Variants in DOP1B observed in about 807,000 individuals in gnomAD.
The protein encoded by DOP1B is DOP1 leucine zipper like protein B.
DOP1B carries 174 observed loss-of-function variants against 233.5 expected under a neutral mutation model. That is an observed-to-expected ratio of 0.75 (90% CI 0.66 to 0.85). The LOEUF (loss-of-function observed/expected upper bound fraction) is 0.85, where lower values mean the gene tolerates loss of function less well. DOP1B is among the 40% of genes least tolerant of loss of function. The pLI, the probability that DOP1B is intolerant of heterozygous loss-of-function variation, is 0.00. For missense variants in DOP1B, 2,652 were observed against 2,846.6 expected (o/e 0.93, Z 1.56); for synonymous variants, 1,190 against 1,185.6 (o/e 1.00, Z -0.08).
At chr21:36,214,045 A>AGTG (rs1236494153) in intron 7 of DOP1B, 36 bp from the exon 8 acceptor site, 1 of 1,494,064 alleles carries the variant, frequency 6.7e-7, no homozygotes, top group Non-Finnish European at 9.2e-7. Context: ...TTAAAAGCAC[A>AGTG]GCTCTCTTTA....
chr21:36,162,299 A>G (rs1288804700), intron 1 of DOP1B, among the ~76,000 whole-genome samples: 1 of 152,130 alleles, frequency 6.6e-6, no homozygotes, highest in Non-Finnish European at 1.5e-5. Flanking sequence ...AACTCAAGTG[A>G]TCCTCCCAAC....
rs1249150065 is a variant in DOP1B, at chr21:36,288,025, GAC to G, written c.6174_6175del (p.Asp2058GlufsTer40). ...YLPLIQERLTDNLRVGQTSIV... is the reference protein window; with the variant it reads ...YLPLIQERLTXNLRVGQTSIV... ...TCTTCTTTCCTTAGAACGCCTGACAGACAATCTCAGAGTTGGACAGACATCCA... is the reference window on the plus strand; with the variant it reads ...TCTTCTTTCCTTAGAACGCCTGACAGAATCTCAGAGTTGGACAGACATCCA... On this transcript the variant is annotated frameshift_variant, in exon 33 of 37. Coordinates refer to ENST00000691173, the MANE Select transcript of DOP1B (RefSeq NM_001320714.2). LOFTEE classifies it high-confidence loss of function. 6.2e-7 allele frequency: 1 copy of G among 1,613,216 alleles called. No individual in the cohort carries two copies. Among genetic ancestry groups the G allele is most frequent in the Non-Finnish European group, 8.5e-7 (1 of 1,179,856 alleles).
intron 2 of DOP1B, among the ~76,000 whole-genome samples, chr21:36,191,011 A>G (rs1158027161): frequency 1.3e-5 from 2 of 152,174 alleles, no homozygotes; most frequent in African/African-American, 2.4e-5. Context: ...AAAAGTCACC[A>G]AGACCGACCA....
chr21:36,157,220 G>C (rs1011143855), intron 1 of DOP1B, among the ~76,000 whole-genome samples: 3 of 152,118 alleles, frequency 2.0e-5, no homozygotes, highest in Non-Finnish European at 4.4e-5. Flanking sequence ...CCCGACCCTG[G>C]CGCGGAGGAT....
At chr21:36,179,002 C>T (rs1439139360) in intron 2 of DOP1B, among the ~76,000 whole-genome samples, 6 of 152,186 alleles carry the variant, frequency 3.9e-5, no homozygotes, top group Admixed American at 3.9e-4. Flanking sequence ...GATCTGTTTT[C>T]TGTCACCATA....
At chr21:36,181,555 A>T (rs1262866799) in intron 2 of DOP1B, among the ~76,000 whole-genome samples, 4 of 152,214 alleles carry the variant, frequency 2.6e-5, no homozygotes, top group Admixed American at 2.6e-4. Context: ...CTGGGATTAC[A>T]GGCATGAGCC....
intron 2 of DOP1B, among the ~76,000 whole-genome samples, chr21:36,177,276 A>T (rs1487777707): frequency 6.6e-6 from 1 of 152,228 alleles, no homozygotes; most frequent in African/African-American, 2.4e-5. Context: ...CAGGCTTCAC[A>T]GCAGCCTCAG....
intron 23 of DOP1B, among the ~76,000 whole-genome samples, chr21:36,258,395 G>C (rs1439607272): frequency 6.6e-6 from 1 of 151,832 alleles, no homozygotes; most frequent in Non-Finnish European, 1.5e-5. Flanking sequence ...GCAAGACCCT[G>C]TCTGAAAACA....
intron 2 of DOP1B, among the ~76,000 whole-genome samples, chr21:36,193,822 G>T (rs1429655931): frequency 6.6e-6 from 1 of 152,166 alleles, no homozygotes; most frequent in Non-Finnish European, 1.5e-5. Flanking sequence ...CTGGGCTACA[G>T]CTCTGAGCTT....
Position 36,179,576 on chromosome 21 carries a change from G to C in DOP1B, c.138+14705G>C, listed in dbSNP as rs112284150. ...AAAAAATTGGGAGTGACCACCCCTG[G>C]TAGGGGAGTAGTTGTGAAGTGAGTC... On this transcript the variant is annotated intron_variant, in intron 2 of 36. Coordinates refer to ENST00000691173, the MANE Select transcript of DOP1B (RefSeq NM_001320714.2). Among the ~76,000 whole-genome samples, 1,037 of 152,280 alleles carry C rather than the reference G, an allele frequency of 6.8e-3. 12 individuals carry two copies. Among genetic ancestry groups the C allele is most frequent in the African/African-American group, 0.023 (944 of 41,540 alleles).
At chr21:36,205,278 G>A (rs1378639114) in intron 4 of DOP1B, among the ~76,000 whole-genome samples, 1 of 152,186 alleles carries the variant, frequency 6.6e-6, no homozygotes, top group African/African-American at 2.4e-5. Context: ...TGAAGGAGCT[G>A]CGTTTGCAGG....
chr21:36,243,073 A>G (rs1163825840), intron 18 of DOP1B, among the ~76,000 whole-genome samples: 1 of 149,660 alleles, frequency 6.7e-6, no homozygotes, highest in Non-Finnish European at 1.5e-5. Flanking sequence ...TCTGCCTTCC[A>G]GGTTCAAGCC....
Position 36,251,176 on chromosome 21 carries a change from A to C in DOP1B, c.5013A>C (p.Lys1671Asn), listed in dbSNP as rs1382467545. The C allele has an allele frequency of 6.2e-7, 1 of 1,612,038 alleles. No individual in the cohort carries two copies. The highest frequency in any genetic ancestry group is 8.5e-7 in the Non-Finnish European group (1 of 1,179,614). The change falls in exon 22 of 37, where the codon AAA becomes AAC. Residue 1671 changes from lysine to asparagine, a missense_variant. Around this residue, in one of 3 missense-constraint regions of DOP1B, gnomAD observed 2,617 missense variants for 2,794.3 expected, o/e 0.94. Coordinates refer to ENST00000691173, the MANE Select transcript of DOP1B (RefSeq NM_001320714.2). ...YFKTTKTIRQKILDFLNPLTA... is the reference protein window; with the variant it reads ...YFKTTKTIRQNILDFLNPLTA... The stretch of plus-strand genomic sequence containing the variant: ...CTATTTTCTAGACCATAAGACAAAA[A>C]ATTTTAGACTTCTTAAACCCCTTGA...
In DOP1B at chr21:36,164,741, C is replaced by T. The variant is rs757493767; in HGVS notation, c.8C>T (p.Pro3Leu). Residue 3 changes from proline to leucine, a missense_variant, in exon 2 of 37, where the codon CCA becomes CTA. Physicochemically the swap from Pro to Leu is moderately conservative, Grantham distance 98. Coordinates refer to ENST00000691173, the MANE Select transcript of DOP1B (RefSeq NM_001320714.2). ...CTGCTGTGAGAATGTAAGATGGATCCAGAAGAGCAGGAGCTCTTAAATGAT... is the reference window on the plus strand; with the variant it reads ...CTGCTGTGAGAATGTAAGATGGATCTAGAAGAGCAGGAGCTCTTAAATGAT... MDPEEQELLNDYR... is the reference protein window; with the variant it reads MDLEEQELLNDYR... 1.9e-6 allele frequency: 3 copies of T among 1,594,626 alleles called. No individual in the cohort carries two copies. Among genetic ancestry groups the T allele is most frequent in the Middle Eastern group, 1.7e-4 (1 of 5,990 alleles).
chr21:36,242,151 C>CATTATTGTTATT (rs60892353), intron 18 of DOP1B, among the ~76,000 whole-genome samples: 4,213 of 143,952 alleles, frequency 0.029, 111 homozygotes, highest in South Asian at 0.072. Flanking sequence ...GTTCCTTGGG[C>CATTATTGTTATT]ATTATTATTA....
intron 2 of DOP1B, among the ~76,000 whole-genome samples, chr21:36,180,177 T>C (rs2066080030): frequency 6.6e-6 from 1 of 152,188 alleles, no homozygotes; most frequent in African/African-American, 2.4e-5. Flanking sequence ...TTAACCATTA[T>C]AGGTAATAAC....
chr21:36,214,307 C>T, intron 8 of DOP1B, 117 bp downstream of exon 8: 1 of 1,239,734 alleles, frequency 8.1e-7, no homozygotes, highest in Non-Finnish European at 1.1e-6. Flanking sequence ...GTTTGGGGAA[C>T]TGCAGGGTAT....
intron 2 of DOP1B, among the ~76,000 whole-genome samples, chr21:36,187,227 T>G: frequency 6.9e-6 from 1 of 143,900 alleles, no homozygotes; most frequent in Non-Finnish European, 1.5e-5. Flanking sequence ...CTCCCCTCCC[T>G]TCCCGGGGGA....
chr21:36,172,192 C>T (rs561565488), intron 2 of DOP1B, among the ~76,000 whole-genome samples: 16 of 152,120 alleles, frequency 1.1e-4, no homozygotes, highest in African/African-American at 3.4e-4. Context: ...TTTGCTCTGG[C>T]GGGGAGGGGA....
Sources: gnomAD v4.1 joint callset for allele counts (sites outside exome capture counted in the v4.1 genomes callset) on GRCh38, gnomAD v4.1.1 for gene constraint, gnomAD v4.1.1 regional missense constraint, MANE v1.5 for transcripts, NCBI Gene and HGNC (gene_info 2026-07-23, HGNC 2026-07-21) for gene names.